FAM120A: variants seen among roughly 807,000 people sequenced by gnomAD.
FAM120A encodes the protein family with sequence similarity 120 member A.
FAM120A carries 15 observed loss-of-function variants against 109.7 expected under a neutral mutation model. The ratio of observed to expected loss-of-function variants is 0.14; its 90% CI spans 0.09 to 0.21. The LOEUF (loss-of-function observed/expected upper bound fraction) is 0.21, where lower values mean the gene tolerates loss of function less well. Ranked by LOEUF, FAM120A falls within the 10% of genes least tolerant of loss-of-function variation. The probability of loss-of-function intolerance (pLI) is 1.00; values close to 1 mark genes in which losing one functional copy is unlikely to be tolerated. For synonymous variants in FAM120A, 493 were observed against 572.8 expected, an observed-to-expected ratio of 0.86 and a Z score of 1.99; for missense variants, 899 against 1,439.3, an observed-to-expected ratio of 0.62 and a Z score of 6.07.
At chr9:93,507,207 C>T (rs968355159) in intron 5 of FAM120A, among the ~76,000 whole-genome samples, 6 of 152,062 alleles carry the variant, frequency 3.9e-5, no homozygotes, top group Non-Finnish European at 7.4e-5. Context: ...GCAAGTTCTC[C>T]TCTGTGGGAG....
At chr9:93,516,313 A>G in intron 7 of FAM120A, 44 bp downstream of exon 7, 1 of 1,594,338 alleles carries the variant, frequency 6.3e-7, no homozygotes, top group Non-Finnish European at 8.6e-7. Flanking sequence ...GCGGGTAGTG[A>G]CCTGGGGAAG....
intron 3 of FAM120A, 101 bp from the exon 4 acceptor site, chr9:93,497,370 T>C: frequency 6.8e-7 from 1 of 1,467,136 alleles, no homozygotes; most frequent in South Asian, 1.2e-5. Flanking sequence ...TGATAAGATC[T>C]TAGATGGTAG....
chr9:93,543,464 G>A lies in FAM120A; in HGVS notation c.2152G>A (p.Val718Ile), dbSNP rs201011345. Residue 718 changes from valine to isoleucine, a missense_variant, in exon 11 of 18, where the codon GTC becomes ATC. Val to Ile is a conservative substitution (Grantham distance 29). This residue lies in a region of FAM120A where 133 missense variants were observed against 276.6 expected (regional missense o/e 0.48). Transcript: ENST00000277165. Reference protein sequence around the residue: ...VPTHLMVLCCVLRYMVQWPGA... With the variant: ...VPTHLMVLCCILRYMVQWPGA... ...CACTCACCTCATGGTGCTCTGCTGC[G>A]TCTTACGGTGGGTGCCATGCATGGG... 38 of 1,613,318 alleles carry A rather than the reference G, an allele frequency of 2.4e-5. No individual in the cohort carries two copies. Among genetic ancestry groups the A allele is most frequent in the Non-Finnish European group, 2.5e-5 (29 of 1,179,338 alleles).
chr9:93,471,063 G>A (rs1588796052), intron 1 of FAM120A, 78 bp from the exon 2 acceptor site: 1 of 1,514,252 alleles, frequency 6.6e-7, no homozygotes, highest in Non-Finnish European at 9.0e-7. Flanking sequence ...TTCAGCTTCT[G>A]TGCAAACATT....
At position 93,534,692 on chromosome 9, in the gene FAM120A, A is replaced by T. The variant is rs546461924; in HGVS notation, c.1909+2363A>T. On this transcript the variant is annotated intron_variant, in intron 10 of 17. Coordinates refer to ENST00000277165, the MANE Select transcript of FAM120A (RefSeq NM_014612.5). ...TATTGTTATGTTATTTTTTTGGCCA[A>T]TGGGGAGGATTTAGTGGGGGAGAGG... Among the ~76,000 whole-genome samples the T allele has an allele frequency of 2.0e-4, 31 of 152,124 alleles. 1 individual carries two copies. Among genetic ancestry groups the T allele is most frequent in the Admixed American group, 8.5e-4 (13 of 15,280 alleles).
Position 93,564,603 on chromosome 9 carries a change from A to G in FAM120A, c.*63A>G. 2 of 1,363,444 alleles carry G rather than the reference A, an allele frequency of 1.5e-6. No homozygotes were observed. The highest frequency in any genetic ancestry group is 2.0e-6 in the Non-Finnish European group (2 of 992,536). 84.5% of individuals were successfully genotyped at this position (1,363,444 alleles called of 1,614,324 possible). On this transcript the variant is annotated 3_prime_UTR_variant, in exon 18 of 18. Transcript: ENST00000277165. Reference sequence around the variant, plus strand: ...TAAGGATTTAGGAATATCTGGAGAGAAAGAGAGCCTGCAGTTATGTACATT... The same window carrying G: ...TAAGGATTTAGGAATATCTGGAGAGGAAGAGAGCCTGCAGTTATGTACATT...
Position 93,459,341 on chromosome 9 carries a change from C to T in FAM120A, c.474+6952C>T, listed in dbSNP as rs117634916. Among the ~76,000 whole-genome samples, 1,122 of 152,352 alleles carry T rather than the reference C, an allele frequency of 7.4e-3. 7 individuals are homozygous for T. Among genetic ancestry groups the T allele is most frequent in the Non-Finnish European group, 0.012 (810 of 68,034 alleles). On this transcript the variant is annotated intron_variant, in intron 1 of 17. Coordinates refer to ENST00000277165, the MANE Select transcript of FAM120A (RefSeq NM_014612.5). ...TCAACTCTAATCAGAATATTTGCTG[C>T]ATTCCATTATATAGCCAGACAAATT... is the stretch of plus-strand genomic sequence containing the variant.
intron 10 of FAM120A, among the ~76,000 whole-genome samples, chr9:93,539,858 A>C (rs1588896219): frequency 6.6e-6 from 1 of 152,304 alleles, no homozygotes; most frequent in East Asian, 1.9e-4. Flanking sequence ...TTTGCAGGGG[A>C]CTTGTAAATC....
chr9:93,529,875 T>C (rs1453372704), intron 9 of FAM120A: 6 of 549,886 alleles, frequency 1.1e-5, no homozygotes, highest in Non-Finnish European at 1.9e-5. Flanking sequence ...TTTTATTCTT[T>C]TTACTTCAAT....
intron 1 of FAM120A, among the ~76,000 whole-genome samples, chr9:93,469,955 G>T (rs551174839): frequency 2.0e-5 from 3 of 152,154 alleles, no homozygotes; most frequent in Non-Finnish European, 2.9e-5. Context: ...ATTTTCTGAC[G>T]TAGTGAGAAT....
At position 93,451,883 on chromosome 9, in the gene FAM120A, G is replaced by A. The variant is rs1432779389; in HGVS notation, c.-33G>A. On this transcript the variant is annotated 5_prime_UTR_variant, in exon 1 of 18. Transcript: ENST00000277165. ...ACCACCCCCGGCCCCGCCGCCCCCC[G>A]CCCGCACCCGCGCCCGCGCCCCCGC... 3.7e-5 allele frequency: 26 copies of A among 712,198 alleles called. No homozygotes were observed. Among genetic ancestry groups the A allele is most frequent in the African/African-American group, 1.3e-4 (6 of 45,420 alleles). 44.1% of individuals were successfully genotyped at this position (712,198 alleles called of 1,614,324 possible).
In FAM120A at chr9:93,487,035, A is replaced by C. The variant is rs1859091850; in HGVS notation, c.805-10436A>C. ...TTGATTTGCATTTCTTTGATGACTG[A>C]TGATGTTGAATATCTTTTCCCGTGC... On this transcript the variant is annotated intron_variant, in intron 3 of 17. Coordinates refer to ENST00000277165, the MANE Select transcript of FAM120A (RefSeq NM_014612.5). Among the ~76,000 whole-genome samples, 4 of 152,140 alleles carry C rather than the reference A, an allele frequency of 2.6e-5. No individual in the cohort carries two copies. In the South Asian group the frequency reaches 8.3e-4, roughly 31 times the overall value.
chr9:93,561,043 T>C, intron 15 of FAM120A, 66 bp from the exon 16 acceptor site: 1 of 1,549,918 alleles, frequency 6.5e-7, no homozygotes, highest in Non-Finnish European at 8.9e-7. Flanking sequence ...TTCTTGCTTG[T>C]ATCTTTTTGC....
At chr9:93,529,741 A>G (rs749817550) in intron 9 of FAM120A, 161 bp downstream of exon 9, 2 of 694,114 alleles carry the variant, frequency 2.9e-6, no homozygotes, top group South Asian at 3.3e-5. Flanking sequence ...TGAAAGATGA[A>G]CATTTATAAC....
chr9:93,537,104 C>T (rs929241995), intron 10 of FAM120A, among the ~76,000 whole-genome samples: 3 of 152,186 alleles, frequency 2.0e-5, no homozygotes, highest in South Asian at 4.1e-4. Flanking sequence ...CGGGGTCTGA[C>T]GCAAGAACTC....
chr9:93,502,714 G>A (rs1293421923), intron 5 of FAM120A, among the ~76,000 whole-genome samples: 1 of 152,144 alleles, frequency 6.6e-6, no homozygotes, highest in Admixed American at 6.6e-5. Flanking sequence ...ATTACTAAGC[G>A]AGGACCTGCC....
At chr9:93,554,765 C>G (rs1862236092) in intron 12 of FAM120A, among the ~76,000 whole-genome samples, 1 of 152,204 alleles carries the variant, frequency 6.6e-6, no homozygotes, top group Non-Finnish European at 1.5e-5. Flanking sequence ...TTTGGATAGC[C>G]AGGCAAACAA....
At chr9:93,476,875 A>G (rs571071076) in intron 3 of FAM120A, among the ~76,000 whole-genome samples, 1 of 152,298 alleles carries the variant, frequency 6.6e-6, no homozygotes, top group African/African-American at 2.4e-5. Flanking sequence ...ATAGTAATAA[A>G]CATCAGAGAT....
chr9:93,479,194 T>A (rs986671887), intron 3 of FAM120A, among the ~76,000 whole-genome samples: 1 of 148,650 alleles, frequency 6.7e-6, no homozygotes, highest in African/African-American at 2.5e-5. Context: ...CGCCTCCCGG[T>A]TTCATGCCAT....
Sources: gnomAD v4.1 joint callset for allele counts (sites outside exome capture counted in the v4.1 genomes callset) on GRCh38, gnomAD v4.1.1 for gene constraint, gnomAD v4.1.1 regional missense constraint, MANE v1.5 for transcripts, NCBI Gene and HGNC (gene_info 2026-07-23, HGNC 2026-07-21) for gene names.